Variants in UNC13C observed in about 807,000 individuals in gnomAD.
The protein encoded by UNC13C is protein unc-13 homolog C.
Under a neutral mutation model 245.4 loss-of-function variants are expected in UNC13C, and 174 were observed. The observed-to-expected ratio is 0.71, with a 90% CI of 0.63 to 0.80. UNC13C has a LOEUF of 0.80. UNC13C is among the 30% of genes least tolerant of loss of function. UNC13C has a pLI of 0.00. For synonymous variants in UNC13C, 992 were observed against 895.1 expected, an observed-to-expected ratio of 1.11 and a Z score of -1.93; for missense variants, 2,829 against 2,602.9, an observed-to-expected ratio of 1.09 and a Z score of -1.89.
At chr15:54,598,179 A>G (rs1356552198) in intron 30 of UNC13C, among the ~76,000 whole-genome samples, 2 of 151,786 alleles carry the variant, frequency 1.3e-5, no homozygotes, top group African/African-American at 4.8e-5. Context: ...TGCAACCTTC[A>G]CCTCCCTAGT....
intron 18 of UNC13C, among the ~76,000 whole-genome samples, chr15:54,408,812 G>A (rs2040360414): frequency 6.6e-6 from 1 of 152,118 alleles, no homozygotes; most frequent in Admixed American, 6.5e-5. Context: ...TATGAAATAT[G>A]CGATCATATT....
intron 30 of UNC13C, among the ~76,000 whole-genome samples, chr15:54,615,689 G>A (rs1005400122): frequency 2.6e-5 from 4 of 152,012 alleles, no homozygotes; most frequent in African/African-American, 2.4e-5. Flanking sequence ...ATTAGTTGGG[G>A]TTGAAAGTTG....
rs568561129 is a variant in UNC13C, at chr15:54,269,902, T to C, written c.3818+4406T>C. Among the ~76,000 whole-genome samples, 7 of 152,342 alleles carry C rather than the reference T, an allele frequency of 4.6e-5. 1 individual carries two copies. In the South Asian group the frequency reaches 1.4e-3, roughly 32 times the overall value. ...TCAAATTTAACACTGTACCTGGCCA[T>C]GCATGAACTATATATAAGTACATAA... On this transcript the variant is annotated intron_variant, in intron 10 of 32. Coordinates refer to ENST00000260323, the MANE Select transcript of UNC13C (RefSeq NM_001080534.3).
chr15:54,473,479 C>T (rs553923304), intron 19 of UNC13C, among the ~76,000 whole-genome samples: 3 of 151,922 alleles, frequency 2.0e-5, no homozygotes, highest in African/African-American at 7.2e-5. Flanking sequence ...TTTATGTTTG[C>T]ACCCATTAAC....
intron 14 of UNC13C, 73 bp from the exon 15 acceptor site, chr15:54,331,970 A>G (rs775093849): frequency 1.0e-6 from 1 of 966,406 alleles, no homozygotes; most frequent in Non-Finnish European, 1.5e-6. Context: ...TAGAGACAAA[A>G]CTCAGAATTA....
intron 30 of UNC13C, among the ~76,000 whole-genome samples, chr15:54,584,023 CT>C (rs1256811200): frequency 1.3e-5 from 2 of 152,180 alleles, no homozygotes; most frequent in African/African-American, 4.8e-5. Context: ...CTCTGGACCT[CT>C]CTGGGATGTG....
rs183700687 is a variant in UNC13C at position 54,029,235 on chromosome 15, C to G, written c.2983+13349C>G. On this transcript the variant is annotated intron_variant, in intron 2 of 32. Coordinates refer to ENST00000260323, the MANE Select transcript of UNC13C (RefSeq NM_001080534.3). ...TGAAACACAAAAAATGTGCCTCTGC[C>G]TGTACTCTCTGGCTTTTTAACTGTG... is the stretch of plus-strand genomic sequence containing the variant. 2.5e-3 allele frequency among the ~76,000 whole-genome samples: 378 copies of G among 152,330 alleles called. 3 individuals carry two copies. The highest frequency in any genetic ancestry group is 8.7e-3 in the African/African-American group (362 of 41,572).
At chr15:53,891,309 C>T in the UNC13C span, among the ~76,000 whole-genome samples, 17 of 152,176 alleles carry the variant, frequency 1.1e-4, no homozygotes, top group South Asian at 1.5e-3. Flanking sequence ...AGAACAAGTG[C>T]GATGAGGTGC....
At chr15:54,312,107 G>T (rs576099179) in intron 13 of UNC13C, among the ~76,000 whole-genome samples, 29 of 151,828 alleles carry the variant, frequency 1.9e-4, no homozygotes, top group African/African-American at 5.1e-4. Flanking sequence ...TAACAAAAAT[G>T]TATAACGCCA....
intron 30 of UNC13C, among the ~76,000 whole-genome samples, chr15:54,599,384 T>G (rs1261833836): frequency 6.6e-6 from 1 of 152,166 alleles, no homozygotes; most frequent in East Asian, 1.9e-4. Context: ...GCCTTTTTGC[T>G]TTCTTTTCCT....
In UNC13C at chr15:54,236,409, T is replaced by C; in HGVS notation, c.3151-21T>C. ...ATCTAATTATTTACATTTTGTTTCCTCTCACTTCTGGAATCTTCAGGCCAT... is the reference window on the plus strand; with the variant it reads ...ATCTAATTATTTACATTTTGTTTCCCCTCACTTCTGGAATCTTCAGGCCAT... On this transcript the variant is annotated intron_variant, in intron 5 of 32. Coordinates refer to ENST00000260323, the MANE Select transcript of UNC13C (RefSeq NM_001080534.3). The C allele has an allele frequency of 1.9e-6, 3 of 1,586,998 alleles. No homozygotes were observed. The South Asian group carries it at 3.3e-5, about 18-fold the overall frequency.
At chr15:53,965,934 T>C in the UNC13C span, among the ~76,000 whole-genome samples, 3 of 152,174 alleles carry the variant, frequency 2.0e-5, no homozygotes, top group African/African-American at 7.2e-5. Flanking sequence ...CCATGGTGTA[T>C]ATGTGCCACA....
At chr15:54,057,413 A>C (rs1897584775) in intron 2 of UNC13C, among the ~76,000 whole-genome samples, 1 of 151,386 alleles carries the variant, frequency 6.6e-6, no homozygotes, top group African/African-American at 2.4e-5. Context: ...AGAGCTAACT[A>C]TCCTAAATAT....
At chr15:54,253,734 G>T (rs754348337) in intron 8 of UNC13C, among the ~76,000 whole-genome samples, 22 of 152,156 alleles carry the variant, frequency 1.4e-4, no homozygotes, top group Non-Finnish European at 1.6e-4. Flanking sequence ...CTAGAAAAAG[G>T]CCGTGTTGGC....
At chr15:53,893,300 G>T in the UNC13C span, among the ~76,000 whole-genome samples, 2 of 152,168 alleles carry the variant, frequency 1.3e-5, no homozygotes, top group African/African-American at 4.8e-5. Context: ...GCCCCTACTG[G>T]GAGTTATCTC....
At chr15:54,217,935 A>C (rs1421420570) in intron 4 of UNC13C, among the ~76,000 whole-genome samples, 1 of 151,928 alleles carries the variant, frequency 6.6e-6, no homozygotes, top group East Asian at 1.9e-4. Context: ...TGGACTACTT[A>C]ATGTCACATC....
chr15:54,609,244 G>A (rs1899945693), intron 30 of UNC13C: 1 of 152,156 alleles, frequency 6.6e-6, no homozygotes, highest in Admixed American at 6.5e-5. Flanking sequence ...AGTCAGTTCT[G>A]TCTTCTGCTG....
At chr15:54,478,635 TAATC>T (rs1473570581) in intron 19 of UNC13C, among the ~76,000 whole-genome samples, 1 of 151,806 alleles carries the variant, frequency 6.6e-6, no homozygotes, top group Non-Finnish European at 1.5e-5. Flanking sequence ...GTGAGTTTCT[TAATC>T]CTGAGTTCTA....
At chr15:54,501,437 T>A (rs1054605970) in intron 22 of UNC13C, among the ~76,000 whole-genome samples, 1 of 152,188 alleles carries the variant, frequency 6.6e-6, no homozygotes, top group African/African-American at 2.4e-5. Context: ...AAGTTTTTTA[T>A]GAATTTAGTT....
Sources: allele counts gnomAD v4.1 joint callset (sites outside exome capture counted in the v4.1 genomes callset), GRCh38; gene constraint gnomAD v4.1.1; transcripts MANE v1.5; gene names NCBI Gene and HGNC (gene_info 2026-07-23, HGNC 2026-07-21).